The following ZSCAN25 variants were observed in gnomAD, a reference collection of about 807,000 sequenced individuals.
ZSCAN25 encodes zinc finger and SCAN domain-containing protein 25.
In ZSCAN25, 27 loss-of-function variants were observed where a neutral mutation model predicts 38.7. The ratio of observed to expected loss-of-function variants is 0.70; its 90% CI spans 0.51 to 0.96. ZSCAN25 has a LOEUF of 0.96. Among genes scored for constraint, ZSCAN25 ranks in the 40% least tolerant of loss-of-function variants. The probability of loss-of-function intolerance (pLI) is 0.00; values close to 1 mark genes in which losing one functional copy is unlikely to be tolerated. For missense variants in ZSCAN25, 637 were observed against 705.9 expected, an observed-to-expected ratio of 0.90 and a Z score of 1.11; for synonymous variants, 273 against 277.7, an observed-to-expected ratio of 0.98 and a Z score of 0.17.
chr7:99,629,345 T>A lies in ZSCAN25; in HGVS notation c.960T>A (p.Ser320Arg), dbSNP rs768738827. 10 of 1,614,010 alleles carry A rather than the reference T, an allele frequency of 6.2e-6. No homozygotes were observed. Among genetic ancestry groups the A allele is most frequent in the Non-Finnish European group, 8.5e-6 (10 of 1,180,028 alleles). The change falls in exon 8 of 8, where the codon AGT becomes AGA. Residue 320 changes from serine (S) to arginine (R), a missense_variant. Physicochemically the swap from Ser to Arg is moderately radical, Grantham distance 110. Transcript: ENST00000394152. This position sits in a 1 kb window ranked among gnomAD's most constrained non-coding sequence, Gnocchi z 5.6. ...CEQEPGGPAG[S>R]APGLPPPQHG... ...AGGAGCCTGGTGGCCCTGCAGGCAG[T>A]GCGCCTGGGCTTCCTCCTCCCCAGC...
the ZSCAN25 span, chr7:99,666,985 C>G: frequency 6.2e-7 from 1 of 1,614,062 alleles, no homozygotes; most frequent in Admixed American, 1.7e-5. Flanking sequence ...AGGTTGGAGA[C>G]AGCAATGACC....
At chr7:99,633,467 T>C (rs1213916198), downstream of ZSCAN25, among the ~76,000 whole-genome samples, 2 of 152,268 alleles carry the variant, frequency 1.3e-5, no homozygotes, top group Non-Finnish European at 1.5e-5. Context: ...TGCTTGATCC[T>C]CCTCTTTATT....
At chr7:99,660,395 A>C in the ZSCAN25 span, 2 of 1,477,714 alleles carry the variant, frequency 1.4e-6, no homozygotes, top group Non-Finnish European at 1.8e-6. Flanking sequence ...CAGTGAAGGA[A>C]TCAGTGATTA....
chr7:99,681,893 C>A, the ZSCAN25 span, among the ~76,000 whole-genome samples: 1 of 152,172 alleles, frequency 6.6e-6, no homozygotes, highest in South Asian at 2.1e-4. Context: ...AGACCAATAT[C>A]CTGAAGAGTT....
the ZSCAN25 span, among the ~76,000 whole-genome samples, chr7:99,684,359 G>C: frequency 1.3e-5 from 2 of 151,876 alleles, no homozygotes; most frequent in South Asian, 4.2e-4. Context: ...GTAGAGATGG[G>C]GTTTCACCAT....
chr7:99,723,633 C>T, the ZSCAN25 span, among the ~76,000 whole-genome samples: 243 of 152,252 alleles, frequency 1.6e-3, no homozygotes, highest in African/African-American at 5.2e-3. Context: ...CCCCTGTCCT[C>T]GCCCTCACTC....
the ZSCAN25 span, chr7:99,717,491 T>C: frequency 1.2e-6 from 2 of 1,611,818 alleles, no homozygotes; most frequent in Admixed American, 1.7e-5. Flanking sequence ...ATTCATTCTT[T>C]AAGTTTCTAA....
the ZSCAN25 span, among the ~76,000 whole-genome samples, chr7:99,736,232 G>T: frequency 6.6e-6 from 1 of 152,190 alleles, no homozygotes; most frequent in African/African-American, 2.4e-5. Flanking sequence ...GAAGAGAAGA[G>T]AACAGCTGCC....
chr7:99,619,565 A>C lies in ZSCAN25; in HGVS notation c.-42A>C, dbSNP rs775566169. 19 of 1,564,164 alleles carry C rather than the reference A, an allele frequency of 1.2e-5. No individual in the cohort carries two copies. The highest frequency in any genetic ancestry group is 1.6e-5 in the Non-Finnish European group (18 of 1,155,804). On this transcript the variant is annotated 5_prime_UTR_variant, in exon 4 of 8. Coordinates refer to ENST00000394152, the MANE Select transcript of ZSCAN25 (RefSeq NM_145115.3). ...TGTGTCTCTTGTTCTCAAAAGGGTC[A>C]TTGATGCAGTCATTCTCAGTCTCCT... is the stretch of plus-strand genomic sequence containing the variant.
chr7:99,655,157 C>T, the ZSCAN25 span, among the ~76,000 whole-genome samples: 1 of 152,108 alleles, frequency 6.6e-6, no homozygotes, highest in African/African-American at 2.4e-5. Flanking sequence ...CTTGCCCATG[C>T]CTCTGTATTG....
chr7:99,688,098 A>G, the ZSCAN25 span, among the ~76,000 whole-genome samples: 2 of 152,198 alleles, frequency 1.3e-5, no homozygotes, highest in Non-Finnish European at 2.9e-5. Flanking sequence ...CAAGGCTAGG[A>G]AAAAAATGCA....
the ZSCAN25 span, among the ~76,000 whole-genome samples, chr7:99,691,691 A>G: frequency 1.3e-5 from 2 of 152,062 alleles, no homozygotes; most frequent in East Asian, 1.9e-4. Flanking sequence ...TTTAAAGTCT[A>G]TTTTATCAGA....
the ZSCAN25 span, chr7:99,638,327 C>T: frequency 6.2e-7 from 1 of 1,605,752 alleles, no homozygotes. Context: ...CATACCAGTT[C>T]CTGTCCTGAA....
the ZSCAN25 span, chr7:99,716,025 A>T: frequency 6.3e-7 from 1 of 1,586,622 alleles, no homozygotes; most frequent in Non-Finnish European, 8.6e-7. Context: ...AGACTTTCAG[A>T]ACTATTTACT....
the ZSCAN25 span, among the ~76,000 whole-genome samples, chr7:99,645,812 A>G: frequency 5.3e-5 from 8 of 151,532 alleles, no homozygotes; most frequent in Admixed American, 2.0e-4. Flanking sequence ...TTTCTTGTAC[A>G]TTTAAGTTCT....
chr7:99,712,593 T>C, the ZSCAN25 span, among the ~76,000 whole-genome samples: 23 of 152,154 alleles, frequency 1.5e-4, no homozygotes, highest in African/African-American at 5.6e-4. Flanking sequence ...TTGGGATAGA[T>C]AGAGAGATGA....
chr7:99,647,803 A>G, the ZSCAN25 span: 21 of 985,444 alleles, frequency 2.1e-5, no homozygotes, highest in Non-Finnish European at 2.5e-5. Context: ...TCAGTCATTC[A>G]GTTCTATAGA....
chr7:99,722,219 T>G, the ZSCAN25 span: 8 of 1,585,022 alleles, frequency 5.0e-6, no homozygotes, highest in Non-Finnish European at 6.9e-6. Context: ...GGCTCTGGGC[T>G]GAGACTATCC....
chr7:99,653,381 G>A, the ZSCAN25 span, among the ~76,000 whole-genome samples: 5 of 151,996 alleles, frequency 3.3e-5, no homozygotes, highest in African/African-American at 4.8e-5. This position sits in a 1 kb window ranked among gnomAD's most constrained non-coding sequence, Gnocchi z 4.2. Context: ...AGCCTGGGAG[G>A]CAGAGTTTGC....
Sources: gnomAD v4.1 joint callset for allele counts (sites outside exome capture counted in the v4.1 genomes callset) on GRCh38, gnomAD v4.1.1 for gene constraint, Gnocchi (gnomAD v3.1) non-coding constraint, MANE v1.5 for transcripts, NCBI Gene and HGNC (gene_info 2026-07-23, HGNC 2026-07-21) for gene names.